Variants in DHX34 observed in about 807,000 individuals in gnomAD.
DHX34 encodes the protein probable ATP-dependent RNA helicase DHX34.
DHX34 carries 96 observed loss-of-function variants against 111.1 expected under a neutral mutation model. That is an observed-to-expected ratio of 0.86 (90% CI 0.73 to 1.02). The LOEUF is 1.02. Among genes scored for constraint, DHX34 ranks in the 50% least tolerant of loss-of-function variants. The pLI is 0.00. For missense variants in DHX34, 1,560 were observed against 1,579.9 expected, an observed-to-expected ratio of 0.99 and a Z score of 0.21; for synonymous variants, 688 against 670.4, an observed-to-expected ratio of 1.03 and a Z score of -0.41.
In DHX34 at chr19:47,375,839, G is replaced by T. The variant is rs1026227075; in HGVS notation, c.2308-85G>T. 26 of 1,541,694 alleles carry T rather than the reference G, an allele frequency of 1.7e-5. No homozygotes were observed. The highest frequency in any genetic ancestry group is 2.2e-5 in the Non-Finnish European group (25 of 1,149,202). Reference sequence around the variant, plus strand: ...TTTCCATGGACGGTGCTTGGTCCCAGGTATCTGCAGAGCCTGGGGGTCTGC... The same window carrying T: ...TTTCCATGGACGGTGCTTGGTCCCATGTATCTGCAGAGCCTGGGGGTCTGC... On this transcript the variant is annotated intron_variant, in intron 10 of 16. Transcript: ENST00000328771.
In DHX34 at chr19:47,376,588, C is replaced by T. The variant is rs768253646; in HGVS notation, c.2599+28C>T. ...ACAGTGAGCCCAGGCGGAAGGAACC[C>T]CCATCCGGGATGTGAGGGGCAGGGA... On this transcript the variant is annotated intron_variant, in intron 12 of 16. Coordinates refer to ENST00000328771, the MANE Select transcript of DHX34 (RefSeq NM_014681.6). The T allele has an allele frequency of 1.0e-5, 16 of 1,546,974 alleles. 1 individual carries two copies. The South Asian group carries it at 1.9e-4, about 18-fold the overall frequency.
chr19:47,367,263 T>A (rs1459796493), intron 7 of DHX34, 108 bp downstream of exon 7: 3 of 1,180,706 alleles, frequency 2.5e-6, no homozygotes, highest in Non-Finnish European at 3.3e-6. Context: ...CTGGGTCCAG[T>A]TCATTTATTC....
At chr19:47,364,071 C>T (rs1256732351) in intron 6 of DHX34, among the ~76,000 whole-genome samples, 1 of 152,124 alleles carries the variant, frequency 6.6e-6, no homozygotes, top group Non-Finnish European at 1.5e-5. Context: ...TTTCTTTATT[C>T]AGGGACCCAG....
chr19:47,364,719 T>C (rs904628835), intron 6 of DHX34, among the ~76,000 whole-genome samples: 3 of 152,090 alleles, frequency 2.0e-5, no homozygotes, highest in Admixed American at 1.3e-4. Context: ...GCCTGAGTGA[T>C]AGAGCAAGAC....
rs73940815 is a variant in DHX34 at position 47,379,661 on chromosome 19, C to G, written c.2707-49C>G. 5.2e-5 allele frequency: 80 copies of G among 1,547,272 alleles called. No homozygotes were observed. In the African/African-American group the frequency reaches 9.7e-4, roughly 19 times the overall value. On this transcript the variant is annotated intron_variant, in intron 13 of 16. Transcript: ENST00000328771. ...GCCGGGCAGGGCCTGTCTCCAATAG[C>G]GCCCTGCCCCTCCCACCTACTCCCT...
chr19:47,373,449 C>G (rs1268975857), intron 8 of DHX34, 150 bp from the exon 9 acceptor site: 1 of 1,443,920 alleles, frequency 6.9e-7, no homozygotes. Context: ...GGAGGGCTTC[C>G]CATAGGAGGG....
In DHX34 at chr19:47,353,030, C is replaced by T; in HGVS notation, c.-1C>T. The T allele has an allele frequency of 1.2e-6, 2 of 1,608,082 alleles. No homozygotes were observed. Among genetic ancestry groups the T allele is most frequent in the Non-Finnish European group, 1.7e-6 (2 of 1,175,408 alleles). The stretch of plus-strand genomic sequence containing the variant: ...TGAGACTCCTATTGTGGATTAGTAA[C>T]ATGCCTCCTCCTAGAACAAGGGAGG... On this transcript the variant is annotated 5_prime_UTR_variant, in exon 2 of 17. Transcript: ENST00000328771. The surrounding 1 kb of genome is among the most constrained non-coding windows in gnomAD (Gnocchi z 4.6).
At position 47,378,481 on chromosome 19, in the gene DHX34, C is replaced by T. The variant is rs373914145; in HGVS notation, c.2707-1229C>T. Among the ~76,000 whole-genome samples the T allele has an allele frequency of 3.3e-3, 495 of 152,268 alleles. 1 individual carries two copies. The highest frequency in any genetic ancestry group is 4.1e-3 in the African/African-American group (170 of 41,560). ...GAGGGACAGAGGATTGGCGACCAGC[C>T]GGGCCGCAGGAAGCGGAACAGACCT... On this transcript the variant is annotated intron_variant, in intron 13 of 16. Transcript: ENST00000328771.
intron 9 of DHX34, among the ~76,000 whole-genome samples, chr19:47,375,170 C>T (rs1970095174): frequency 6.6e-6 from 1 of 152,192 alleles, no homozygotes; most frequent in African/African-American, 2.4e-5. Context: ...GAAAGCAGGG[C>T]CCCCCAGACC....
At chr19:47,352,493 T>C (rs1174104743) in intron 1 of DHX34, among the ~76,000 whole-genome samples, 1 of 152,048 alleles carries the variant, frequency 6.6e-6, no homozygotes, top group Admixed American at 6.6e-5. Flanking sequence ...CTGGGCAACA[T>C]AGTGAGATCT....
rs1171130223 is a variant in DHX34, at chr19:47,375,592, G to A, written c.2191G>A (p.Gly731Ser). Residue 731 changes from glycine (G) to serine (S), a missense_variant, in exon 10 of 17, where the codon GGC becomes AGC. Physicochemically the swap from Gly to Ser is moderately conservative, Grantham distance 56. Transcript: ENST00000328771. Reference protein sequence around the residue: ...LHQLKRQHEEGAGRRRKVLRL... With the variant: ...LHQLKRQHEESAGRRRKVLRL... ...CCAGCTGAAACGCCAGCACGAGGAG[G>A]GCGCGGGGCGCAGGCGCAAGGTGCT... The A allele has an allele frequency of 5.2e-6, 8 of 1,546,236 alleles. No homozygotes were observed. Among genetic ancestry groups the A allele is most frequent in the African/African-American group, 1.4e-5 (1 of 73,330 alleles).
In DHX34 at chr19:47,376,064, C is replaced by T. The variant is rs140847354; in HGVS notation, c.2448C>T (p.Asp816=). The T allele has an allele frequency of 2.5e-4, 398 of 1,576,798 alleles. 1 individual carries two copies. Among genetic ancestry groups the T allele is most frequent in the Non-Finnish European group, 2.9e-4 (335 of 1,164,270 alleles). Reference sequence around the variant, plus strand: ...TGTACCCACAGCTGGCCGTCCCCGACGCCTTCAACAGCAGCCGAAAGGACT... The same window carrying T: ...TGTACCCACAGCTGGCCGTCCCCGATGCCTTCAACAGCAGCCGAAAGGACT... ...RGLYPQLAVP[D]AFNSSRKDSD... The change falls in exon 11 of 17, where the codon GAC becomes GAT. Residue 816 remains aspartate (D), a synonymous_variant. Transcript: ENST00000328771.
At chr19:47,377,960 C>T (rs188858544) in intron 13 of DHX34, among the ~76,000 whole-genome samples, 145 of 152,272 alleles carry the variant, frequency 9.5e-4, no homozygotes, top group African/African-American at 3.2e-3. Flanking sequence ...TAGGCCTGGC[C>T]TCGGAGTCCT....
At chr19:47,358,454 C>G (rs2122235670) in intron 4 of DHX34, among the ~76,000 whole-genome samples, 1 of 144,150 alleles carries the variant, frequency 6.9e-6, no homozygotes, top group East Asian at 2.0e-4. Flanking sequence ...TGTTCCAAAA[C>G]AGTTTTTTTT....
At chr19:47,376,689 G>C in intron 12 of DHX34, 129 bp downstream of exon 12, 1 of 1,459,148 alleles carries the variant, frequency 6.9e-7, no homozygotes. Context: ...GCCCACAGGA[G>C]GGGAAGTTCC....
intron 13 of DHX34, 114 bp downstream of exon 13, chr19:47,377,320 C>A: frequency 1.8e-6 from 2 of 1,131,656 alleles, no homozygotes; most frequent in South Asian, 1.5e-5. Context: ...CTGGGCTGGC[C>A]GCAGGCGTCA....
rs774001911 is a variant in DHX34, at chr19:47,377,086, C to T, written c.2600-14C>T. Reference sequence around the variant, plus strand: ...GGCCAGGGTGGGCCTGAGCGGTCCTCCTCAACCTTTCAGACGACAAGGACA... The same window carrying T: ...GGCCAGGGTGGGCCTGAGCGGTCCTTCTCAACCTTTCAGACGACAAGGACA... On this transcript the variant is annotated splice_polypyrimidine_tract_variant and intron_variant, in intron 12 of 16. Transcript: ENST00000328771. 7 of 1,613,880 alleles carry T rather than the reference C, an allele frequency of 4.3e-6. No homozygotes were observed. Among genetic ancestry groups the T allele is most frequent in the East Asian group, 2.2e-5 (1 of 44,874 alleles).
rs543398484 is a variant in DHX34 at position 47,377,025 on chromosome 19, C to T, written c.2600-75C>T. On this transcript the variant is annotated intron_variant, in intron 12 of 16. Transcript: ENST00000328771. ...TCTTTCTATCGATGTGTACTTTGAC[C>T]GGGTGGGACAGGCGGGCTTCTGATG... The T allele has an allele frequency of 1.3e-4, 212 of 1,607,922 alleles. No homozygotes were observed. The East Asian group carries it at 3.4e-3, about 26-fold the overall frequency.
At position 47,372,792 on chromosome 19, in the gene DHX34, G is replaced by A. The variant is rs199807432; in HGVS notation, c.1831G>A (p.Ala611Thr). Residue 611 changes from alanine (A) to threonine (T), a missense_variant, in exon 8 of 17, where the codon GCA (alanine) becomes ACA (threonine). Ala to Thr is a moderately conservative substitution (Grantham distance 58, BLOSUM62 0). Coordinates refer to ENST00000328771, the MANE Select transcript of DHX34 (RefSeq NM_014681.6). ...GGAGCCTGTGCTCACCATCGCAGCC[G>A]CACTTAGCGTCCAGTCGCCCTTCAC... ...LVEPVLTIAA[A>T]LSVQSPFTRS... 700 of 1,612,512 alleles carry A rather than the reference G, an allele frequency of 4.3e-4. No homozygotes were observed. Among genetic ancestry groups the A allele is most frequent in the Non-Finnish European group, 5.5e-4 (648 of 1,179,424 alleles).
Sources: gnomAD v4.1 joint callset for allele counts (sites outside exome capture counted in the v4.1 genomes callset) on GRCh38, gnomAD v4.1.1 for gene constraint, Gnocchi (gnomAD v3.1) non-coding constraint, MANE v1.5 for transcripts, NCBI Gene and HGNC (gene_info 2026-07-23, HGNC 2026-07-21) for gene names.